Variants in ITK observed in about 807,000 individuals in gnomAD.
The protein encoded by ITK is IL2 inducible T cell kinase, also known as tyrosine-protein kinase ITK/TSK.
Under a neutral mutation model 87.6 loss-of-function variants are expected in ITK, and 45 were observed. That is an observed-to-expected ratio of 0.51 (90% confidence interval 0.40 to 0.66). The LOEUF (loss-of-function observed/expected upper bound fraction) is 0.66, where lower values mean the gene tolerates loss of function less well. ITK is among the 30% of genes least tolerant of loss of function. The pLI, the probability that ITK is intolerant of heterozygous loss-of-function variation, is 0.00. For missense variants in ITK, 605 were observed against 766.3 expected, an observed-to-expected ratio of 0.79 and a Z score of 2.48; for synonymous variants, 303 against 273.6, an observed-to-expected ratio of 1.11 and a Z score of -1.06.
chr5:157,226,154 A>G (rs189335526), intron 6 of ITK, among the ~76,000 whole-genome samples: 5 of 152,366 alleles, frequency 3.3e-5, no homozygotes, highest in Admixed American at 3.3e-4. Flanking sequence ...ATGTGTGACC[A>G]TGTCATTCAC....
At chr5:157,246,889 G>A (rs2113776491) in intron 15 of ITK, among the ~76,000 whole-genome samples, 1 of 152,306 alleles carries the variant, frequency 6.6e-6, no homozygotes, top group South Asian at 2.1e-4. Context: ...TTTCTAAAAA[G>A]TGCAAATGGC....
chr5:157,208,874 C>A lies in ITK; in HGVS notation c.139-15C>A, dbSNP rs372035536. ...TTCTTTCTTACATGAATGGGATGTT[C>A]TTCTCTCCCCACAGAAGAAGCGCAC... On this transcript the variant is annotated splice_polypyrimidine_tract_variant and intron_variant, in intron 1 of 16. Transcript: ENST00000422843. 1.3e-6 allele frequency: 2 copies of A among 1,568,262 alleles called. No homozygotes were observed. The highest frequency in any genetic ancestry group is 2.7e-5 in the African/African-American group (2 of 74,042).
chr5:157,241,920 G>A (rs1754916557), intron 11 of ITK, among the ~76,000 whole-genome samples, 200 bp downstream of exon 11: 1 of 152,188 alleles, frequency 6.6e-6, no homozygotes, highest in Non-Finnish European at 1.5e-5. Flanking sequence ...ATTTCTCTAG[G>A]TCAAACCAGT....
chr5:157,249,018 G>A lies in ITK; in HGVS notation c.1791+11G>A, dbSNP rs1326035618. ...CACTGCTGGAAAGAGGTCAGTGGAG[G>A]AAGTGCTTCCCCATGCATTGTCGTA... On this transcript the variant is annotated intron_variant, in intron 16 of 16. Transcript: ENST00000422843. 2 of 1,612,732 alleles carry A rather than the reference G, an allele frequency of 1.2e-6. No homozygotes were observed. The highest frequency in any genetic ancestry group is 3.3e-5 in the Admixed American group (2 of 60,016).
chr5:157,232,071 T>C (rs148114862), intron 7 of ITK, among the ~76,000 whole-genome samples: 89 of 152,328 alleles, frequency 5.8e-4, no homozygotes, highest in African/African-American at 2.1e-3. Context: ...TCAACAATGA[T>C]CAGTATTTTG....
At chr5:157,208,775 T>G in intron 1 of ITK, 114 bp from the exon 2 acceptor site, 1 of 764,962 alleles carries the variant, frequency 1.3e-6, no homozygotes, top group Non-Finnish European at 2.3e-6. Flanking sequence ...TTTGGAGGGT[T>G]GGAATAGGTT....
intron 7 of ITK, 57 bp from the exon 8 acceptor site, chr5:157,232,283 A>G: frequency 8.5e-7 from 1 of 1,182,234 alleles, no homozygotes; most frequent in Non-Finnish European, 1.3e-6. Context: ...GTCTTTTATA[A>G]GTAAATAATG....
At chr5:157,232,650 A>G (rs955464804) in intron 8 of ITK, among the ~76,000 whole-genome samples, 2 of 152,188 alleles carry the variant, frequency 1.3e-5, no homozygotes, top group South Asian at 4.1e-4. Context: ...AAAGAATTGT[A>G]CTGTTTTTTC....
chr5:157,238,300 G>A, intron 9 of ITK, 109 bp downstream of exon 9: 2 of 830,832 alleles, frequency 2.4e-6, no homozygotes, highest in Admixed American at 1.9e-5. Context: ...AGGCTCACTA[G>A]AAATGGTCTG....
intron 15 of ITK, among the ~76,000 whole-genome samples, chr5:157,248,054 T>C (rs1755057330): frequency 1.3e-5 from 2 of 152,252 alleles, no homozygotes. Flanking sequence ...CCACTGGGTT[T>C]GGGCTAGGGC....
chr5:157,185,242 CTT>C (rs796151659), intron 1 of ITK, among the ~76,000 whole-genome samples: 5 of 141,516 alleles, frequency 3.5e-5, no homozygotes, highest in Non-Finnish European at 3.1e-5. Flanking sequence ...AAAAAGCTAT[CTT>C]TTTTTTTTTT....
At chr5:157,218,093 C>T (rs1334178883) in intron 5 of ITK, among the ~76,000 whole-genome samples, 186 bp downstream of exon 5, 1 of 152,190 alleles carries the variant, frequency 6.6e-6, no homozygotes, top group Non-Finnish European at 1.5e-5. Context: ...GGGGTCTGTC[C>T]ACTTAAAGGA....
chr5:157,207,379 T>C lies in ITK; in HGVS notation c.139-1510T>C, dbSNP rs564053054. Among the ~76,000 whole-genome samples the C allele has an allele frequency of 8.6e-3, 846 of 98,518 alleles. 8 individuals are homozygous for C. Among genetic ancestry groups the C allele is most frequent in the African/African-American group, 0.033 (800 of 24,364 alleles). 64.6% of individuals were successfully genotyped at this position (98,518 alleles called of 152,430 possible). A position where few individuals can be genotyped will look rare whatever the true frequency, so the allele number is the denominator to read the frequency against. ...TTATCACGTATCTAGATACGTCTCT[T>C]TTTTTTTTTTTTTTTTTTTTTTTTT... is the stretch of plus-strand genomic sequence containing the variant. On this transcript the variant is annotated intron_variant, in intron 1 of 16. Transcript: ENST00000422843.
chr5:157,220,232 G>A (rs1017001604), intron 5 of ITK, among the ~76,000 whole-genome samples: 1 of 152,112 alleles, frequency 6.6e-6, no homozygotes. Context: ...GGCTATTTTG[G>A]TTCAAGATGT....
rs561860433 is a variant in ITK at position 157,241,639 on chromosome 5, AACCC to A, written c.986-5_986-2del. ...ACCACTGCTTCTTGGCTTTTCAATC[AACCC>A]AGGCCTGGTGACTCGACTCCGGTAT... On this transcript the variant is annotated splice_polypyrimidine_tract_variant and splice_region_variant and intron_variant, in intron 10 of 16. Transcript: ENST00000422843. 31 of 1,612,814 alleles carry A rather than the reference AACCC, an allele frequency of 1.9e-5. No homozygotes were observed. The East Asian group carries it at 6.2e-4, about 32-fold the overall frequency.
chr5:157,209,235 G>C (rs1389190002), intron 2 of ITK, among the ~76,000 whole-genome samples: 3 of 151,564 alleles, frequency 2.0e-5, no homozygotes, highest in Non-Finnish European at 2.9e-5. Flanking sequence ...GGGAGGCTGA[G>C]ACAGGAGAAT....
At chr5:157,242,213 C>T (rs569242969) in intron 11 of ITK, among the ~76,000 whole-genome samples, 1 of 152,276 alleles carries the variant, frequency 6.6e-6, no homozygotes, top group African/African-American at 2.4e-5. Context: ...GCCGCAGCCC[C>T]TACTATGTTT....
At chr5:157,241,561 A>T (rs1227138143) in intron 10 of ITK, 85 bp from the exon 11 acceptor site, 2 of 935,062 alleles carry the variant, frequency 2.1e-6, no homozygotes, top group African/African-American at 3.2e-5. Context: ...TCTGATGATG[A>T]TTATTATTTT....
chr5:157,183,182 AG>A (rs1252989611), intron 1 of ITK, among the ~76,000 whole-genome samples: 2 of 152,140 alleles, frequency 1.3e-5, no homozygotes, highest in East Asian at 3.8e-4. Flanking sequence ...TCCCTGAAAA[AG>A]GTAATATATG....
Sources: gnomAD v4.1 joint callset for allele counts (sites outside exome capture counted in the v4.1 genomes callset) on GRCh38, gnomAD v4.1.1 for gene constraint, MANE v1.5 for transcripts, NCBI Gene and HGNC (gene_info 2026-07-23, HGNC 2026-07-21) for gene names.